The following CAST variants were observed in gnomAD, a reference collection of about 807,000 sequenced individuals.
CAST encodes calpastatin.
Under a neutral mutation model 119.6 loss-of-function variants are expected in CAST, and 76 were observed. That is an observed-to-expected ratio of 0.64 (90% CI 0.53 to 0.77). The LOEUF is 0.77. CAST is among the 30% of genes least tolerant of loss of function. CAST has a pLI of 0.00. For missense variants in CAST, 953 were observed against 946.5 expected, an observed-to-expected ratio of 1.01 and a Z score of -0.09; for synonymous variants, 319 against 331.6, an observed-to-expected ratio of 0.96 and a Z score of 0.41.
chr5:96,397,248 C>T, the CAST span: 1 of 1,127,398 alleles, frequency 8.9e-7, no homozygotes, highest in Non-Finnish European at 1.3e-6. Context: ...TTCTTTAGGG[C>T]CCTAATTAAT....
the CAST span, among the ~76,000 whole-genome samples, chr5:96,480,125 G>C: frequency 6.6e-6 from 1 of 152,154 alleles, no homozygotes; most frequent in Non-Finnish European, 1.5e-5. Flanking sequence ...AAAATAAAAT[G>C]ATCAAATTTA....
At chr5:96,134,141 T>C in the CAST span, among the ~76,000 whole-genome samples, 1 of 152,240 alleles carries the variant, frequency 6.6e-6, no homozygotes, top group Non-Finnish European at 1.5e-5. Context: ...AAAAGGCCGC[T>C]ACAGTGCTCT....
chr5:95,994,358 A>G, the CAST span, among the ~76,000 whole-genome samples: 1 of 152,208 alleles, frequency 6.6e-6, no homozygotes, highest in African/African-American at 2.4e-5. Context: ...GATAACATGG[A>G]TGAATTTCAA....
At chr5:96,157,268 G>A in the CAST span, among the ~76,000 whole-genome samples, 1 of 152,056 alleles carries the variant, frequency 6.6e-6, no homozygotes, top group Non-Finnish European at 1.5e-5. Flanking sequence ...CAACATCCAC[G>A]GGCCCTGGTG....
At chr5:96,191,719 G>A in the CAST span, among the ~76,000 whole-genome samples, 4 of 152,258 alleles carry the variant, frequency 2.6e-5, no homozygotes, top group South Asian at 8.3e-4. Context: ...GCAGGCGCAC[G>A]CCACCACACC....
the CAST span, among the ~76,000 whole-genome samples, chr5:96,419,447 C>CTA: frequency 1.3e-4 from 19 of 148,206 alleles, no homozygotes; most frequent in African/African-American, 2.7e-4. Context: ...CTCTCTCTCT[C>CTA]TATATATATA....
the CAST span, among the ~76,000 whole-genome samples, chr5:96,421,055 C>T: frequency 2.4e-4 from 36 of 152,278 alleles, no homozygotes; most frequent in African/African-American, 8.2e-4. Context: ...GTGAGAACAT[C>T]GGTATGAGCA....
chr5:96,130,411 C>G, the CAST span, among the ~76,000 whole-genome samples: 8 of 150,560 alleles, frequency 5.3e-5, no homozygotes, highest in Admixed American at 4.0e-4. Context: ...GTAACATGGT[C>G]TCCTGGATGG....
At chr5:96,588,909 G>T (rs1057332823) in intron 1 of CAST, among the ~76,000 whole-genome samples, 1 of 152,100 alleles carries the variant, frequency 6.6e-6, no homozygotes, top group African/African-American at 2.4e-5. Context: ...CCATATATTG[G>T]TACTGGAATT....
the CAST span, among the ~76,000 whole-genome samples, chr5:96,043,699 A>T: frequency 6.6e-6 from 1 of 152,116 alleles, no homozygotes; most frequent in African/African-American, 2.4e-5. Flanking sequence ...TTCAGAAGCA[A>T]CTTCCCCACT....
chr5:96,425,778 G>A, the CAST span: 1 of 1,081,710 alleles, frequency 9.2e-7, no homozygotes, highest in East Asian at 2.4e-5. Context: ...AAAGAAGCCA[G>A]GTCCCAGGTC....
chr5:96,737,018 C>T (rs1312737434), intron 10 of CAST, among the ~76,000 whole-genome samples: 1 of 152,216 alleles, frequency 6.6e-6, no homozygotes, highest in Admixed American at 6.5e-5. Flanking sequence ...GAAGGAGGAA[C>T]AGTCAAACAC....
the CAST span, among the ~76,000 whole-genome samples, chr5:96,015,105 G>A: frequency 6.6e-6 from 1 of 152,152 alleles, no homozygotes; most frequent in African/African-American, 2.4e-5. Context: ...CAGCTAGAAA[G>A]CAATGTAGCT....
intron 1 of CAST, among the ~76,000 whole-genome samples, chr5:96,631,849 C>T (rs1418201617): frequency 6.6e-6 from 1 of 151,986 alleles, no homozygotes; most frequent in Admixed American, 6.6e-5. Flanking sequence ...TTCATTCTCT[C>T]AGGTATATAT....
At chr5:96,244,768 A>C in the CAST span, among the ~76,000 whole-genome samples, 1 of 152,092 alleles carries the variant, frequency 6.6e-6, no homozygotes, top group Non-Finnish European at 1.5e-5. Flanking sequence ...TTTGTTTCTA[A>C]ACTTGGGATG....
chr5:96,741,488 T>C lies in CAST; in HGVS notation c.1012-6T>C. On this transcript the variant is annotated splice_polypyrimidine_tract_variant and splice_region_variant and intron_variant, in intron 14 of 31. Transcript: ENST00000675179. ...TAAGTCTAATCTTTTGTATTTTGTTTTTCAGGAATCTACAGAAGTTTTAAA... is the reference window on the plus strand; with the variant it reads ...TAAGTCTAATCTTTTGTATTTTGTTCTTCAGGAATCTACAGAAGTTTTAAA... The C allele has an allele frequency of 1.2e-6, 2 of 1,607,448 alleles. No homozygotes were observed. The highest frequency in any genetic ancestry group is 8.5e-7 in the Non-Finnish European group (1 of 1,174,156).
the CAST span, among the ~76,000 whole-genome samples, chr5:96,091,767 G>A: frequency 3.3e-5 from 5 of 152,216 alleles, no homozygotes; most frequent in African/African-American, 1.2e-4. Flanking sequence ...GCCTCCCAAA[G>A]TGCTGGGATT....
the CAST span, among the ~76,000 whole-genome samples, chr5:96,462,858 CG>C: frequency 1.3e-5 from 2 of 152,050 alleles, no homozygotes; most frequent in East Asian, 3.9e-4. Context: ...AAGTGTTCGG[CG>C]GTTCCTCCAT....
At chr5:96,624,588 G>T (rs1747685371) in intron 1 of CAST, among the ~76,000 whole-genome samples, 1 of 152,090 alleles carries the variant, frequency 6.6e-6, no homozygotes, top group African/African-American at 2.4e-5. Flanking sequence ...TTTTTAATGG[G>T]CATGAAAATT....
Sources: gnomAD v4.1 joint callset for allele counts (sites outside exome capture counted in the v4.1 genomes callset) on GRCh38, gnomAD v4.1.1 for gene constraint, MANE v1.5 for transcripts, NCBI Gene and HGNC (gene_info 2026-07-23, HGNC 2026-07-21) for gene names.